The following RNF182 variants were observed in gnomAD, a reference collection of about 807,000 sequenced individuals.
RNF182 encodes E3 ubiquitin-protein ligase RNF182.
In RNF182, 15 loss-of-function variants were observed where a neutral mutation model predicts 14.4. The ratio of observed to expected loss-of-function variants is 1.04; its 90% CI spans 0.70 to 1.60. RNF182 has a LOEUF of 1.60. Ranked by LOEUF, RNF182 falls within the 40% of genes most tolerant of loss-of-function variation. The probability of loss-of-function intolerance (pLI) is 0.00; values close to 1 mark genes in which losing one functional copy is unlikely to be tolerated. For missense variants in RNF182, 268 were observed against 294.8 expected (o/e 0.91, Z 0.67); for synonymous variants, 128 against 122.9 (o/e 1.04, Z -0.27).
intron 1 of RNF182, among the ~76,000 whole-genome samples, chr6:13,928,205 A>G (rs1345210232): frequency 6.6e-6 from 1 of 152,220 alleles, no homozygotes; most frequent in East Asian, 1.9e-4. Context: ...TTTATACAGT[A>G]TTGTACATAA....
At chr6:13,976,794 C>A in intron 2 of RNF182, 115 bp from the exon 3 acceptor site, 1 of 284,198 alleles carries the variant, frequency 3.5e-6, no homozygotes, top group Non-Finnish European at 6.6e-6. Context: ...GGGATTTAAC[C>A]TTTTAAGTTT....
chr6:13,958,057 GT>G (rs545578338), intron 1 of RNF182, among the ~76,000 whole-genome samples: 302 of 151,532 alleles, frequency 2.0e-3, no homozygotes, highest in African/African-American at 7.1e-3. Context: ...AGTCTTTTAT[GT>G]TTTTTTTAAT....
At position 13,962,810 on chromosome 6, in the gene RNF182, G is replaced by T. The variant is rs1425197731; in HGVS notation, c.-366-11400G>T. Reference sequence around the variant, plus strand: ...TGATGCCGCATTAAAATGGTTGATGGATTCTATAAGAATGATTCAGGCTAC... The same window carrying T: ...TGATGCCGCATTAAAATGGTTGATGTATTCTATAAGAATGATTCAGGCTAC... On this transcript the variant is annotated intron_variant, in intron 1 of 2. Transcript: ENST00000488300. 3.3e-5 allele frequency among the ~76,000 whole-genome samples: 5 copies of T among 152,104 alleles called. No homozygotes were observed. The East Asian group carries it at 9.6e-4, about 29-fold the overall frequency.
At chr6:13,932,914 G>A (rs1276074230) in intron 1 of RNF182, among the ~76,000 whole-genome samples, 2 of 152,188 alleles carry the variant, frequency 1.3e-5, no homozygotes, top group African/African-American at 4.8e-5. Context: ...CTAGAAGGAA[G>A]TTTATAATCT....
At chr6:13,968,709 A>G (rs1231535689) in intron 1 of RNF182, among the ~76,000 whole-genome samples, 2 of 152,198 alleles carry the variant, frequency 1.3e-5, no homozygotes, top group African/African-American at 4.8e-5. Flanking sequence ...ATAAAAAAGA[A>G]TGCACACACA....
chr6:13,946,285 G>A (rs1759440847), intron 1 of RNF182, among the ~76,000 whole-genome samples: 1 of 151,674 alleles, frequency 6.6e-6, no homozygotes. Flanking sequence ...TCCTGCCTCA[G>A]CCTCCTGAGC....
At chr6:13,954,518 C>CT (rs1759680298) in intron 1 of RNF182, among the ~76,000 whole-genome samples, 1 of 152,106 alleles carries the variant, frequency 6.6e-6, no homozygotes, top group Admixed American at 6.5e-5. Flanking sequence ...AATTCATAAA[C>CT]TTTCTGAGAA....
chr6:13,930,821 C>A (rs1758950085), intron 1 of RNF182, among the ~76,000 whole-genome samples: 1 of 152,190 alleles, frequency 6.6e-6, no homozygotes, highest in Non-Finnish European at 1.5e-5. Context: ...ATTCTTGTTT[C>A]CTCATCTATA....
chr6:13,955,221 T>G (rs1264261274), intron 1 of RNF182, among the ~76,000 whole-genome samples: 1 of 152,180 alleles, frequency 6.6e-6, no homozygotes, highest in Non-Finnish European at 1.5e-5. Context: ...CCATAAAACT[T>G]CATTTACCAG....
intron 1 of RNF182, among the ~76,000 whole-genome samples, chr6:13,932,231 ATTAG>A (rs1298974720): frequency 6.6e-6 from 1 of 152,256 alleles, no homozygotes; most frequent in African/African-American, 2.4e-5. Context: ...GTACTTAATT[ATTAG>A]TTATTAAGGG....
intron 1 of RNF182, among the ~76,000 whole-genome samples, chr6:13,937,349 T>C (rs188638384): frequency 6.6e-6 from 1 of 152,338 alleles, no homozygotes; most frequent in Non-Finnish European, 1.5e-5. Flanking sequence ...AGGTGACCCA[T>C]AGTCTGAATT....
upstream of RNF182, chr6:13,924,780 G>A (rs1758767946): frequency 6.6e-6 from 1 of 151,882 alleles, no homozygotes; most frequent in Admixed American, 6.6e-5. Context: ...GTTTGTGGTG[G>A]TGGCGGCCCA....
chr6:13,931,730 A>T (rs1301828737), intron 1 of RNF182, among the ~76,000 whole-genome samples: 1 of 151,792 alleles, frequency 6.6e-6, no homozygotes, highest in East Asian at 1.9e-4. Flanking sequence ...CCTTTTAGTG[A>T]TACGACCTTG....
At chr6:13,968,603 GAGACCAATTTAATTTTC>G (rs1760095844) in intron 1 of RNF182, among the ~76,000 whole-genome samples, 1 of 152,134 alleles carries the variant, frequency 6.6e-6, no homozygotes, top group South Asian at 2.1e-4. Context: ...AAAAAGTCTA[GAGACCAATTTAATTTTC>G]AGTACAGATG....
chr6:13,945,448 C>A (rs955390286), intron 1 of RNF182, among the ~76,000 whole-genome samples: 2 of 152,078 alleles, frequency 1.3e-5, no homozygotes, highest in East Asian at 3.9e-4. Context: ...CCTCAGAGCC[C>A]GTTTAGATGA....
At chr6:13,956,024 T>G (rs923133725) in intron 1 of RNF182, among the ~76,000 whole-genome samples, 1 of 152,228 alleles carries the variant, frequency 6.6e-6, no homozygotes, top group Admixed American at 6.5e-5. Context: ...CTCCCACATA[T>G]GAGTGAGAAC....
chr6:13,933,465 C>T (rs1221395100), intron 1 of RNF182, among the ~76,000 whole-genome samples: 1 of 151,582 alleles, frequency 6.6e-6, no homozygotes, highest in Non-Finnish European at 1.5e-5. Context: ...TTCAGGTTTC[C>T]ATGAGCCATG....
chr6:13,948,985 T>G (rs953061456), intron 1 of RNF182: 68 of 389,376 alleles, frequency 1.7e-4, no homozygotes, highest in African/African-American at 1.3e-3. Flanking sequence ...TCAAATCCAA[T>G]TTTTAATAAA....
intron 1 of RNF182, among the ~76,000 whole-genome samples, chr6:13,937,430 G>A (rs1759160451): frequency 6.6e-6 from 1 of 152,188 alleles, no homozygotes; most frequent in African/African-American, 2.4e-5. Context: ...TGTACTTTAT[G>A]TGTGTGTGTA....
Sources: gnomAD v4.1 joint callset for allele counts (sites outside exome capture counted in the v4.1 genomes callset) on GRCh38, gnomAD v4.1.1 for gene constraint, MANE v1.5 for transcripts, NCBI Gene and HGNC (gene_info 2026-07-23, HGNC 2026-07-21) for gene names.